The following TMEM236 variants were observed in gnomAD, a reference collection of about 807,000 sequenced individuals.
The protein encoded by TMEM236 is transmembrane protein 236.
In TMEM236, 11 loss-of-function variants were observed where a neutral mutation model predicts 14.7. The observed-to-expected ratio is 0.75, with a 90% confidence interval of 0.47 to 1.24. The LOEUF is 1.24. Among genes scored for constraint, TMEM236 ranks in the 50% most tolerant of loss-of-function variants. The pLI, the probability that TMEM236 is intolerant of heterozygous loss-of-function variation, is 0.00. For synonymous variants in TMEM236, 182 were observed against 168.6 expected (o/e 1.08, Z -0.62); for missense variants, 464 against 427.3 (o/e 1.09, Z -0.76).
chr10:17,790,538 A>G (rs1249958281), intron 3 of TMEM236, among the ~76,000 whole-genome samples: 1 of 152,212 alleles, frequency 6.6e-6, no homozygotes, highest in Non-Finnish European at 1.5e-5. Flanking sequence ...CCATGTCTCT[A>G]AAGTAAATAA....
intron 1 of TMEM236, among the ~76,000 whole-genome samples, chr10:17,760,310 T>C (rs1837343439): frequency 6.6e-6 from 1 of 152,054 alleles, no homozygotes; most frequent in South Asian, 2.1e-4. Context: ...AATCATATAT[T>C]TTTGTCCTTG....
At chr10:17,753,638 C>A (rs1287184123) in intron 1 of TMEM236, among the ~76,000 whole-genome samples, 2 of 152,156 alleles carry the variant, frequency 1.3e-5, no homozygotes, top group African/African-American at 4.8e-5. Context: ...TTTCTTTATC[C>A]ATTCTATCAC....
intron 3 of TMEM236, 25 bp downstream of exon 3, chr10:17,776,195 AT>A: frequency 1.7e-5 from 27 of 1,601,016 alleles, no homozygotes; most frequent in Non-Finnish European, 2.3e-5. Context: ...AAATGTGAAT[AT>A]TTTTTAAAGT....
intron 3 of TMEM236, among the ~76,000 whole-genome samples, chr10:17,785,598 A>G (rs1837820965): frequency 6.6e-6 from 1 of 152,068 alleles, no homozygotes; most frequent in East Asian, 1.9e-4. Flanking sequence ...AATAAAATGA[A>G]TGGCATTTTG....
chr10:17,772,802 A>G (rs1017411659), intron 2 of TMEM236, among the ~76,000 whole-genome samples: 38 of 152,040 alleles, frequency 2.5e-4, no homozygotes, highest in Admixed American at 1.6e-3. Flanking sequence ...TCAGAAACCC[A>G]TTGCTTGCTC....
At chr10:17,789,611 A>C (rs1837889726) in intron 3 of TMEM236, among the ~76,000 whole-genome samples, 1 of 152,142 alleles carries the variant, frequency 6.6e-6, no homozygotes, top group African/African-American at 2.4e-5. Flanking sequence ...CTGGGTGTGG[A>C]GGCTCATGCT....
At chr10:17,753,448 T>G (rs1554833551) in intron 1 of TMEM236, among the ~76,000 whole-genome samples, 4 of 152,272 alleles carry the variant, frequency 2.6e-5, no homozygotes, top group Non-Finnish European at 5.9e-5. Flanking sequence ...CCTCTGTGTG[T>G]GCATGTGTTC....
At chr10:17,752,732 T>A (rs1650230886) in intron 1 of TMEM236, among the ~76,000 whole-genome samples, 180 bp downstream of exon 1, 1 of 151,930 alleles carries the variant, frequency 6.6e-6, no homozygotes, top group Non-Finnish European at 1.5e-5. Flanking sequence ...ACACCTGGCT[T>A]ATTTTTGCAT....
At chr10:17,763,240 G>A (rs1326294261) in intron 1 of TMEM236, among the ~76,000 whole-genome samples, 1 of 152,054 alleles carries the variant, frequency 6.6e-6, no homozygotes, top group Non-Finnish European at 1.5e-5. Context: ...TTGCTTGAGA[G>A]CAGGAGTTTG....
chr10:17,796,502 TA>T lies in TMEM236; in HGVS notation c.*3del. The T allele has an allele frequency of 1.2e-6, 2 of 1,607,352 alleles. No homozygotes were observed. The highest frequency in any genetic ancestry group is 2.2e-5 in the South Asian group (2 of 90,936). ...TTCTGCCTTTGAAATGTCTCCATTTTAAAAAGGAAATGGGATCTAGTAAGGC... is the reference window on the plus strand; with the variant it reads ...TTCTGCCTTTGAAATGTCTCCATTTTAAAAGGAAATGGGATCTAGTAAGGC... ...IFSAFEMSPF[*>X] On this transcript the variant is annotated frameshift_variant and stop_lost, in exon 4 of 4. Transcript: ENST00000377495. LOFTEE classifies it high-confidence loss of function.
At chr10:17,776,829 T>C (rs1837664896) in intron 3 of TMEM236, among the ~76,000 whole-genome samples, 1 of 152,202 alleles carries the variant, frequency 6.6e-6, no homozygotes, top group Non-Finnish European at 1.5e-5. Context: ...TCCAAAGTGA[T>C]GAGTTGAAAC....
chr10:17,796,433 C>T lies in TMEM236; in HGVS notation c.985C>T (p.Leu329Phe). Residue 329 changes from leucine to phenylalanine, a missense_variant, in exon 4 of 4, where the codon CTC becomes TTC. By Grantham distance (22) the Leu-to-Phe change is conservative. Coordinates refer to ENST00000377495, the MANE Select transcript of TMEM236 (RefSeq NM_001098844.3). Reference sequence around the variant, plus strand: ...CCTGTGTAAAAATATCCTCGTGACTCTCTCTTACATTTACTTCAATTACCT... The same window carrying T: ...CCTGTGTAAAAATATCCTCGTGACTTTCTCTTACATTTACTTCAATTACCT... ...LGLCKNILVT[L>F]SYIYFNYLTR... is the part of the protein sequence containing the mutation. 6.2e-7 allele frequency: 1 copy of T among 1,613,768 alleles called. No homozygotes were observed. The highest frequency in any genetic ancestry group is 2.2e-5 in the East Asian group (1 of 44,858).
intron 1 of TMEM236, among the ~76,000 whole-genome samples, chr10:17,756,643 T>G (rs1389982403): frequency 6.6e-6 from 1 of 152,056 alleles, no homozygotes; most frequent in Non-Finnish European, 1.5e-5. Context: ...CTAGAGAAAA[T>G]TGCCGATTAG....
chr10:17,759,707 T>C (rs1837328262), intron 1 of TMEM236, among the ~76,000 whole-genome samples: 1 of 151,936 alleles, frequency 6.6e-6, no homozygotes, highest in Non-Finnish European at 1.5e-5. Context: ...CCTTTAGAAA[T>C]GAGGAGATTG....
rs953126418 is a variant in TMEM236, at chr10:17,791,200, G to A, written c.473-4721G>A. Among the ~76,000 whole-genome samples the A allele has an allele frequency of 5.6e-3, 847 of 151,980 alleles. 7 individuals are homozygous for A. Among genetic ancestry groups the A allele is most frequent in the African/African-American group, 0.017 (693 of 41,428 alleles). The stretch of plus-strand genomic sequence containing the variant: ...GTGGCCCATGCCTGTAATTTGGTGC[G>A]TTGGGAGGCTGAGGCAGGAGGATCA... On this transcript the variant is annotated intron_variant, in intron 3 of 3. Transcript: ENST00000377495.
At chr10:17,781,092 C>A (rs1554835373) in intron 3 of TMEM236, among the ~76,000 whole-genome samples, 1 of 152,168 alleles carries the variant, frequency 6.6e-6, no homozygotes, top group Non-Finnish European at 1.5e-5. Flanking sequence ...ACCATTTTGA[C>A]CATGCCTAGT....
chr10:17,793,695 C>T (rs903318949), intron 3 of TMEM236, among the ~76,000 whole-genome samples: 42 of 152,062 alleles, frequency 2.8e-4, no homozygotes, highest in African/African-American at 9.7e-4. Flanking sequence ...ATTGGCCAGG[C>T]TGGTCTCGAA....
At chr10:17,760,402 CT>C (rs1411583357) in intron 1 of TMEM236, among the ~76,000 whole-genome samples, 1 of 150,632 alleles carries the variant, frequency 6.6e-6, no homozygotes, top group Non-Finnish European at 1.5e-5. Context: ...TGTTCATTTG[CT>C]TAAATTGCAC....
intron 1 of TMEM236, among the ~76,000 whole-genome samples, chr10:17,753,672 C>A (rs2436694): frequency 0.46 from 70,630 of 151,990 alleles, 17,273 homozygotes; most frequent in African/African-American, 0.64. Flanking sequence ...GGTTGGTTTC[C>A]TGTCTTTGCC....
Sources: gnomAD v4.1 joint callset for allele counts (sites outside exome capture counted in the v4.1 genomes callset) on GRCh38, gnomAD v4.1.1 for gene constraint, MANE v1.5 for transcripts, NCBI Gene and HGNC (gene_info 2026-07-23, HGNC 2026-07-21) for gene names.